The following GALNTL6 variants were observed in gnomAD, a reference collection of about 807,000 sequenced individuals.
The protein encoded by GALNTL6 is polypeptide N-acetylgalactosaminyltransferase like 6, also known as polypeptide N-acetylgalactosaminyltransferase-like 6.
In GALNTL6, 46 loss-of-function variants were observed where a neutral mutation model predicts 73.7. That is an observed-to-expected ratio of 0.62 (90% CI 0.49 to 0.80). The LOEUF (loss-of-function observed/expected upper bound fraction) is 0.80. Among genes scored for constraint, GALNTL6 ranks in the 30% least tolerant of loss-of-function variants. The probability of loss-of-function intolerance (pLI) is 0.00; values close to 1 mark genes in which losing one functional copy is unlikely to be tolerated. For synonymous variants in GALNTL6, 259 were observed against 263.7 expected (o/e 0.98, Z 0.17); for missense variants, 604 against 755.0 (o/e 0.80, Z 2.34).
At chr4:171,876,256 AAG>A (rs1182672109) in intron 2 of GALNTL6, among the ~76,000 whole-genome samples, 1 of 152,226 alleles carries the variant, frequency 6.6e-6, no homozygotes, top group Non-Finnish European at 1.5e-5. Flanking sequence ...ATGTTACAGA[AAG>A]ACGTCTTAAA....
At chr4:172,782,769 G>T (rs1429508469) in intron 5 of GALNTL6, among the ~76,000 whole-genome samples, 1 of 152,038 alleles carries the variant, frequency 6.6e-6, no homozygotes, top group Non-Finnish European at 1.5e-5. Flanking sequence ...ACCAGAAAGA[G>T]TACAGCACAG....
intron 2 of GALNTL6, among the ~76,000 whole-genome samples, chr4:172,165,341 A>G (rs6811532): frequency 0.35 from 52,445 of 151,970 alleles, 9,318 homozygotes; most frequent in Non-Finnish European, 0.39. Context: ...TAGAAAGTTA[A>G]TTGTCCGTTG....
At position 172,077,160 on chromosome 4, in the gene GALNTL6, G is replaced by C. The variant is rs1475442311; in HGVS notation, c.139-152496G>C. ...AGTCTCTGGTAGTTCTTTATAGAGT[G>C]TGAAAATGGACAAATACAGAAAATT... is the stretch of plus-strand genomic sequence containing the variant. On this transcript the variant is annotated intron_variant, in intron 2 of 12. Transcript: ENST00000506823. 3.3e-5 allele frequency among the ~76,000 whole-genome samples: 5 copies of C among 152,194 alleles called. No homozygotes were observed. The East Asian group carries it at 9.6e-4, about 29-fold the overall frequency.
At chr4:172,629,776 A>G (rs1739317863) in intron 5 of GALNTL6, among the ~76,000 whole-genome samples, 1 of 152,304 alleles carries the variant, frequency 6.6e-6, no homozygotes, top group East Asian at 1.9e-4. Context: ...AACATTCCAT[A>G]TTAAATAAAA....
chr4:171,926,331 A>T (rs181480246), intron 2 of GALNTL6, among the ~76,000 whole-genome samples: 26 of 152,196 alleles, frequency 1.7e-4, no homozygotes, highest in African/African-American at 2.9e-4. Context: ...ACTTTTTTAC[A>T]TTTCCATGTT....
At chr4:171,898,827 A>C (rs974078227) in intron 2 of GALNTL6, among the ~76,000 whole-genome samples, 1 of 152,104 alleles carries the variant, frequency 6.6e-6, no homozygotes, top group Admixed American at 6.5e-5. Flanking sequence ...AAAATGCGTC[A>C]GAATGTTAGC....
intron 3 of GALNTL6, among the ~76,000 whole-genome samples, chr4:172,292,631 A>G (rs1357496462): frequency 1.3e-5 from 2 of 152,158 alleles, no homozygotes; most frequent in Non-Finnish European, 2.9e-5. Flanking sequence ...GATAACCTAT[A>G]GTTATTAGAT....
rs142200972 is a variant in GALNTL6, at chr4:171,964,591, T to A, written c.138+149873T>A. Among the ~76,000 whole-genome samples, 3 of 152,336 alleles carry A rather than the reference T, an allele frequency of 2.0e-5. No homozygotes were observed. The East Asian group carries it at 5.8e-4, about 29-fold the overall frequency. On this transcript the variant is annotated intron_variant, in intron 2 of 12. Coordinates refer to ENST00000506823, the MANE Select transcript of GALNTL6 (RefSeq NM_001034845.3). Reference sequence around the variant, plus strand: ...CCCCGAACATACCCCATTTTCATATTCCCATCATCTTTCACCTGTTATTGT... The same window carrying A: ...CCCCGAACATACCCCATTTTCATATACCCATCATCTTTCACCTGTTATTGT...
chr4:172,600,547 A>T (rs1279085645), intron 5 of GALNTL6, among the ~76,000 whole-genome samples: 1 of 152,178 alleles, frequency 6.6e-6, no homozygotes, highest in Non-Finnish European at 1.5e-5. Flanking sequence ...CTACACAGGG[A>T]TCCCTCTAAG....
chr4:172,205,849 A>G (rs17058116), intron 2 of GALNTL6, among the ~76,000 whole-genome samples: 1 of 152,116 alleles, frequency 6.6e-6, no homozygotes, highest in Admixed American at 6.5e-5. Flanking sequence ...CTCATCACAT[A>G]GTTTTTCCTT....
chr4:172,316,561 A>G (rs1740546644), intron 4 of GALNTL6, among the ~76,000 whole-genome samples: 2 of 152,192 alleles, frequency 1.3e-5, no homozygotes, highest in Non-Finnish European at 2.9e-5. Flanking sequence ...AAAGCCATGA[A>G]GCTAAAACTA....
At chr4:172,148,338 C>T (rs769963812) in intron 2 of GALNTL6, among the ~76,000 whole-genome samples, 1 of 152,154 alleles carries the variant, frequency 6.6e-6, no homozygotes, top group Non-Finnish European at 1.5e-5. Context: ...TAAGTCTTTG[C>T]TCCATCTGTT....
intron 2 of GALNTL6, among the ~76,000 whole-genome samples, chr4:172,222,645 G>C (rs1402340863): frequency 6.8e-6 from 1 of 147,808 alleles, no homozygotes; most frequent in African/African-American, 2.5e-5. Flanking sequence ...AGCCTGTGTT[G>C]TCAATGTTTG....
intron 2 of GALNTL6, among the ~76,000 whole-genome samples, chr4:171,906,085 T>C (rs1737265950): frequency 6.6e-6 from 1 of 151,928 alleles, no homozygotes; most frequent in African/African-American, 2.4e-5. Context: ...TTAAAAGAAC[T>C]AGAAAAGCAA....
intron 5 of GALNTL6, among the ~76,000 whole-genome samples, chr4:172,420,320 A>G (rs1043048129): frequency 1.1e-4 from 16 of 152,308 alleles, no homozygotes; most frequent in Non-Finnish European, 2.1e-4. Flanking sequence ...GCACCATAGC[A>G]CATATTGTGC....
At chr4:172,297,369 A>G (rs1173930611) in intron 3 of GALNTL6, among the ~76,000 whole-genome samples, 2 of 151,910 alleles carry the variant, frequency 1.3e-5, no homozygotes, top group Non-Finnish European at 2.9e-5. Flanking sequence ...ATTAGATCCC[A>G]TTTGTCATTT....
intron 2 of GALNTL6, among the ~76,000 whole-genome samples, chr4:172,012,050 T>A (rs956495914): frequency 9.9e-5 from 15 of 152,060 alleles, no homozygotes; most frequent in African/African-American, 3.6e-4. Flanking sequence ...GTATGATGGG[T>A]AGCTATGTTA....
At chr4:172,487,004 G>T (rs2111493374) in intron 5 of GALNTL6, among the ~76,000 whole-genome samples, 1 of 152,214 alleles carries the variant, frequency 6.6e-6, no homozygotes, top group African/African-American at 2.4e-5. Context: ...TATAAAATTT[G>T]TACAATGCTA....
At chr4:171,925,398 A>G (rs1196398618) in intron 2 of GALNTL6, among the ~76,000 whole-genome samples, 2 of 152,190 alleles carry the variant, frequency 1.3e-5, no homozygotes, top group Admixed American at 1.3e-4. Context: ...GAATTAAGAC[A>G]AAGGAAGTAG....
Sources: allele counts gnomAD v4.1 joint callset (sites outside exome capture counted in the v4.1 genomes callset), GRCh38; gene constraint gnomAD v4.1.1; transcripts MANE v1.5; gene names NCBI Gene and HGNC (gene_info 2026-07-23, HGNC 2026-07-21).